PDS5A: variants seen among roughly 807,000 people sequenced by gnomAD.
The protein encoded by PDS5A is sister chromatid cohesion protein PDS5 homolog A.
PDS5A carries 42 observed loss-of-function variants against 167.1 expected under a neutral mutation model. That is an observed-to-expected ratio of 0.25 (90% confidence interval 0.20 to 0.33). PDS5A has a LOEUF of 0.33. PDS5A is among the 10% of genes least tolerant of loss of function. PDS5A has a pLI of 1.00. For synonymous variants in PDS5A, 553 were observed against 554.6 expected, an observed-to-expected ratio of 1.00 and a Z score of 0.04; for missense variants, 1,033 against 1,605.9, an observed-to-expected ratio of 0.64 and a Z score of 6.10.
intron 17 of PDS5A, among the ~76,000 whole-genome samples, chr4:39,885,659 A>G (rs1397968563): frequency 6.6e-6 from 1 of 152,198 alleles, no homozygotes; most frequent in Admixed American, 6.5e-5. Flanking sequence ...TCACGCCTGT[A>G]ATCCCAACAC....
chr4:39,893,130 T>C (rs1246532070), intron 16 of PDS5A, among the ~76,000 whole-genome samples: 3 of 152,034 alleles, frequency 2.0e-5, no homozygotes, highest in Non-Finnish European at 4.4e-5. Flanking sequence ...TCCTGGAAAA[T>C]ATTAAAATTT....
intron 23 of PDS5A, among the ~76,000 whole-genome samples, chr4:39,865,498 GT>G (rs1719357783): frequency 6.6e-6 from 1 of 152,204 alleles, no homozygotes; most frequent in Non-Finnish European, 1.5e-5. Context: ...GGGCAACATA[GT>G]GAGATCCCAT....
intron 32 of PDS5A, among the ~76,000 whole-genome samples, chr4:39,828,048 G>C (rs138554923): frequency 6.0e-4 from 91 of 152,304 alleles, no homozygotes; most frequent in Non-Finnish European, 1.0e-3. Context: ...GAAACTCAGA[G>C]ACCCAACACT....
chr4:39,969,634 C>A (rs1176835590), intron 2 of PDS5A, among the ~76,000 whole-genome samples: 1 of 150,390 alleles, frequency 6.6e-6, no homozygotes, highest in East Asian at 1.9e-4. Flanking sequence ...CCATTGCACT[C>A]CAGCCTGGGC....
chr4:39,930,550 T>A (rs1725967040), intron 2 of PDS5A, among the ~76,000 whole-genome samples: 1 of 152,182 alleles, frequency 6.6e-6, no homozygotes, highest in Admixed American at 6.5e-5. Context: ...TAAAGACAAC[T>A]TGGTCATAAC....
rs1727658562 is a variant in PDS5A, at chr4:39,945,435, T to C, written c.139-17271A>G. Reference sequence around the variant, plus strand: ...GAGATCACGCCATTGCACTCCAGCCTGGGCGACAGAGCGAGACTGCCTCAA... The same window carrying C: ...GAGATCACGCCATTGCACTCCAGCCCGGGCGACAGAGCGAGACTGCCTCAA... On this transcript the variant is annotated intron_variant, in intron 2 of 32. Coordinates refer to ENST00000303538, the MANE Select transcript of PDS5A (RefSeq NM_001100399.2). Among the ~76,000 whole-genome samples, 5 of 128,292 alleles carry C rather than the reference T, an allele frequency of 3.9e-5. No homozygotes were observed. In the Admixed American group the frequency reaches 4.8e-4, roughly 12 times the overall value. 84.2% of individuals were successfully genotyped at this position (128,292 alleles called of 152,430 possible). A position where few individuals can be genotyped will look rare whatever the true frequency, so the allele number is the denominator to read the frequency against.
At chr4:39,920,429 C>T (rs774191595) in intron 6 of PDS5A, 30 bp from the exon 7 acceptor site, 41 of 1,005,750 alleles carry the variant, frequency 4.1e-5, no homozygotes, top group Non-Finnish European at 1.4e-5. Context: ...TGGAAAGTTA[C>T]AAATAAATGT....
At chr4:39,857,932 G>C (rs376065415) in intron 26 of PDS5A, among the ~76,000 whole-genome samples, 17 of 152,210 alleles carry the variant, frequency 1.1e-4, no homozygotes, top group African/African-American at 3.9e-4. Flanking sequence ...GCCTCCCAAA[G>C]TTGCTGAGAT....
At chr4:39,861,807 T>A (rs1013681383) in intron 26 of PDS5A, among the ~76,000 whole-genome samples, 6 of 152,210 alleles carry the variant, frequency 3.9e-5, no homozygotes, top group Non-Finnish European at 7.3e-5. Flanking sequence ...CAAAATTTTT[T>A]AAAAGATATT....
chr4:39,910,560 AAACT>A (rs377197520), intron 9 of PDS5A, among the ~76,000 whole-genome samples: 46 of 152,370 alleles, frequency 3.0e-4, no homozygotes, highest in East Asian at 7.7e-4. Context: ...TACCATGCTA[AAACT>A]AACTAACAAA....
At chr4:39,957,629 C>CA (rs1729054654) in intron 2 of PDS5A, among the ~76,000 whole-genome samples, 1 of 151,400 alleles carries the variant, frequency 6.6e-6, no homozygotes, top group Admixed American at 6.6e-5. Flanking sequence ...ACTAAAAGTA[C>CA]AAAAAAATTA....
At chr4:39,929,808 C>T (rs1487277182) in intron 2 of PDS5A, among the ~76,000 whole-genome samples, 3 of 150,396 alleles carry the variant, frequency 2.0e-5, no homozygotes, top group East Asian at 1.9e-4. Flanking sequence ...TGCAGTGAAG[C>T]GATCTCAGCT....
chr4:39,926,761 T>TG lies in PDS5A; in HGVS notation c.429+13_429+14insC, dbSNP rs768163423. The TG allele has an allele frequency of 3.6e-4, 447 of 1,244,028 alleles. No individual in the cohort carries two copies. Among genetic ancestry groups the TG allele is most frequent in the Middle Eastern group, 8.9e-4 (4 of 4,502 alleles). The allele number at this position is 1,244,028 out of a possible 1,614,324, so 77.1% of individuals were successfully genotyped here. On this transcript the variant is annotated intron_variant, in intron 4 of 32. Transcript: ENST00000303538. Reference sequence around the variant, plus strand: ...AAATAATGTTAATAGTTATTAAAGTTTTTTTTTTTTTACCTCTAATAAATA... The same window carrying TG: ...AAATAATGTTAATAGTTATTAAAGTTGTTTTTTTTTTTACCTCTAATAAATA...
intron 26 of PDS5A, among the ~76,000 whole-genome samples, chr4:39,850,258 C>A: frequency 7.2e-6 from 1 of 138,410 alleles, no homozygotes; most frequent in Non-Finnish European, 1.6e-5. Flanking sequence ...GGTGACAGAG[C>A]GAGACTCTCT....
intron 2 of PDS5A, among the ~76,000 whole-genome samples, chr4:39,944,402 C>T (rs969709681): frequency 2.0e-5 from 3 of 151,890 alleles, no homozygotes; most frequent in African/African-American, 7.3e-5. Context: ...GCCTTAAAGG[C>T]TGAGAGTGTG....
intron 26 of PDS5A, among the ~76,000 whole-genome samples, chr4:39,853,264 G>A (rs1282663046): frequency 6.6e-6 from 1 of 152,152 alleles, no homozygotes; most frequent in Non-Finnish European, 1.5e-5. Context: ...TGGTACACTT[G>A]CTTTGAAAAA....
At chr4:39,836,052 A>C (rs531404566) in intron 32 of PDS5A, among the ~76,000 whole-genome samples, 5 of 152,362 alleles carry the variant, frequency 3.3e-5, no homozygotes, top group African/African-American at 1.2e-4. Flanking sequence ...CTAGAATTTA[A>C]AACAATAGTA....
chr4:39,868,239 T>C lies in PDS5A; in HGVS notation c.2505+1155A>G, dbSNP rs1267738116. Among the ~76,000 whole-genome samples the C allele has an allele frequency of 3.3e-5, 5 of 152,298 alleles. No individual in the cohort carries two copies. In the South Asian group the frequency reaches 8.3e-4, roughly 25 times the overall value. On this transcript the variant is annotated intron_variant, in intron 22 of 32. Transcript: ENST00000303538. ...GTACTGGCATGATCACAACTCACTGTAGCCTTGACCTCCTGGGCTCAAGCG... is the reference window on the plus strand; with the variant it reads ...GTACTGGCATGATCACAACTCACTGCAGCCTTGACCTCCTGGGCTCAAGCG...
chr4:39,952,826 T>G (rs551895078), intron 2 of PDS5A, among the ~76,000 whole-genome samples: 1 of 151,704 alleles, frequency 6.6e-6, no homozygotes, highest in South Asian at 2.1e-4. Context: ...CCTCCCGGGT[T>G]CAAATGACTC....
Sources: gnomAD v4.1 joint callset for allele counts (sites outside exome capture counted in the v4.1 genomes callset) on GRCh38, gnomAD v4.1.1 for gene constraint, MANE v1.5 for transcripts, NCBI Gene and HGNC (gene_info 2026-07-23, HGNC 2026-07-21) for gene names.